Variants in NELFCD observed in about 807,000 individuals in gnomAD.
The protein encoded by NELFCD is negative elongation factor C/D.
A neutral mutation model predicts 72.9 loss-of-function variants in NELFCD; 48 were observed. That is an observed-to-expected ratio of 0.66 (90% CI 0.52 to 0.84). The LOEUF is 0.84. Among genes scored for constraint, NELFCD ranks in the 40% least tolerant of loss-of-function variants. NELFCD has a pLI of 0.00. For missense variants in NELFCD, 538 were observed against 723.8 expected (o/e 0.74, Z 2.94); for synonymous variants, 297 against 280.6 (o/e 1.06, Z -0.59).
rs2091834245 is a variant in NELFCD, at chr20:58,993,620, G to A, written c.1441-4G>A. On this transcript the variant is annotated splice_region_variant and splice_polypyrimidine_tract_variant and intron_variant, in intron 12 of 14. Coordinates refer to ENST00000652272, the MANE Select transcript of NELFCD (RefSeq NM_198976.4). This position sits in a 1 kb window ranked among gnomAD's most constrained non-coding sequence, Gnocchi z 5.0. ...ACCAGCTCCCTGTCCCCCTTCTTCT[G>A]TAGCTTGAGTTGAAGAAGACACTGC... is the stretch of plus-strand genomic sequence containing the variant. 1 of 1,614,228 alleles carries A rather than the reference G, an allele frequency of 6.2e-7. No homozygotes were observed. The highest frequency in any genetic ancestry group is 1.1e-5 in the South Asian group (1 of 91,090).
At position 58,991,005 on chromosome 20, in the gene NELFCD, C is replaced by T; in HGVS notation, c.884C>T (p.Ala295Val). 3 of 1,614,172 alleles carry T rather than the reference C, an allele frequency of 1.9e-6. No individual in the cohort carries two copies. The highest frequency in any genetic ancestry group is 2.5e-6 in the Non-Finnish European group (3 of 1,180,026). The change falls in exon 8 of 15, where the codon GCC (alanine) becomes GTC (valine). Residue 295 changes from alanine to valine, a missense_variant. Around this residue, in one of 3 missense-constraint regions of NELFCD, gnomAD observed 355 missense variants for 534.5 expected, o/e 0.66. Transcript: ENST00000652272. ...CTCGGGGCCATGCTGTCCAAAGGAG[C>T]CCTGAACCCTGCTGACATCACCGTC... The part of the protein sequence containing the change: ...QALGAMLSKG[A>V]LNPADITVLF...
At chr20:58,990,489 T>A (rs1297963127) in intron 7 of NELFCD, 1 of 176,052 alleles carries the variant, frequency 5.7e-6, no homozygotes, top group African/African-American at 2.4e-5. Context: ...AGAGCTGGCT[T>A]TCTAAAGTGC....
intron 3 of NELFCD, 127 bp from the exon 4 acceptor site, chr20:58,987,581 A>T (rs143086961): frequency 1.4e-6 from 1 of 715,624 alleles, no homozygotes; most frequent in Non-Finnish European, 2.4e-6. Context: ...AAAACCTTAC[A>T]TGTATAAGTG....
chr20:58,990,410 A>AG (rs2091807332), intron 7 of NELFCD: 1 of 171,120 alleles, frequency 5.8e-6, no homozygotes, highest in South Asian at 1.5e-4. Flanking sequence ...CAAAAAAAAA[A>AG]AAAAAAATTA....
At position 58,992,780 on chromosome 20, in the gene NELFCD, G is replaced by A. The variant is rs534301972; in HGVS notation, c.1230-218G>A. The stretch of plus-strand genomic sequence containing the variant: ...CACTCACCTGTAGTCCCAGGTACTC[G>A]GGAGGCTGCAGTGAGCCATGATTGT... On this transcript the variant is annotated intron_variant, in intron 10 of 14. Transcript: ENST00000652272. Among the ~76,000 whole-genome samples, 8 of 151,350 alleles carry A rather than the reference G, an allele frequency of 5.3e-5. No individual in the cohort carries two copies. In the East Asian group the frequency reaches 5.8e-4, roughly 11 times the overall value.
Position 58,987,752 on chromosome 20 carries a change from A to G in NELFCD, c.331A>G (p.Lys111Glu), listed in dbSNP as rs1405792468. The change falls in exon 4 of 15, where the codon AAG becomes GAG. Residue 111 changes from lysine (K) to glutamate (E), a missense_variant. By Grantham distance (56) the Lys-to-Glu change is moderately conservative. Coordinates refer to ENST00000652272, the MANE Select transcript of NELFCD (RefSeq NM_198976.4). ...QVQETVENHL[K>E]SLLIKHFDPR... ...TCAGGAAACTGTGGAAAATCACTTG[A>G]AGAGTTTGCTGATCAAACATTTTGA... 6 of 1,614,166 alleles carry G rather than the reference A, an allele frequency of 3.7e-6. No individual in the cohort carries two copies. Among genetic ancestry groups the G allele is most frequent in the Non-Finnish European group, 5.1e-6 (6 of 1,180,032 alleles).
chr20:58,989,699 C>T (rs2091799889), intron 6 of NELFCD, 59 bp downstream of exon 6: 1 of 1,611,666 alleles, frequency 6.2e-7, no homozygotes. Flanking sequence ...TCTTGGTTTT[C>T]AAGCATGAGA....
At chr20:58,989,182 G>C (rs1182596728) in intron 5 of NELFCD, 161 bp downstream of exon 5, 2 of 642,680 alleles carry the variant, frequency 3.1e-6, no homozygotes, top group Non-Finnish European at 5.4e-6. Flanking sequence ...TGTAAAATTT[G>C]TATCTGTTTT....
chr20:58,990,713 C>T (rs1025949532), intron 7 of NELFCD, 197 bp from the exon 8 acceptor site: 19 of 542,086 alleles, frequency 3.5e-5, no homozygotes, highest in African/African-American at 1.9e-4. Flanking sequence ...AAGTGTGTGA[C>T]TCCTTTCTTA....
chr20:58,986,389 T>G lies in NELFCD; in HGVS notation c.176+181T>G, dbSNP rs2091772778. On this transcript the variant is annotated intron_variant, in intron 2 of 14. Transcript: ENST00000652272. This position sits in a 1 kb window ranked among gnomAD's most constrained non-coding sequence, Gnocchi z 4.4. ...AAATTTTTTTAAGACAGAGTCTTGC[T>G]CTGTTGCAGTGGCACAATCACCGCT... The G allele has an allele frequency of 6.9e-6, 4 of 578,320 alleles. No individual in the cohort carries two copies. The South Asian group carries it at 8.7e-5, about 13-fold the overall frequency. 35.8% of individuals were successfully genotyped at this position (578,320 alleles called of 1,614,324 possible). A position where few individuals can be genotyped will look rare whatever the true frequency, so the allele number is the denominator to read the frequency against.
At chr20:58,991,489 A>G in intron 9 of NELFCD, 43 bp downstream of exon 9, 1 of 1,611,388 alleles carries the variant, frequency 6.2e-7, no homozygotes, top group African/African-American at 1.3e-5. Flanking sequence ...TAGGAGACAA[A>G]TATCCTCCTC....
chr20:58,992,037 T>C lies in NELFCD; in HGVS notation c.1229+17T>C, dbSNP rs1477573576. 1.3e-6 allele frequency: 2 copies of C among 1,599,222 alleles called. No individual in the cohort carries two copies. The highest frequency in any genetic ancestry group is 3.4e-5 in the Admixed American group (2 of 58,662). On this transcript the variant is annotated intron_variant, in intron 10 of 14. Coordinates refer to ENST00000652272, the MANE Select transcript of NELFCD (RefSeq NM_198976.4). ...GTGTATTAGGTAAGCAAAACGAAACTCAGTTCTTAAATCAGTCCTTTGGGG... is the reference window on the plus strand; with the variant it reads ...GTGTATTAGGTAAGCAAAACGAAACCCAGTTCTTAAATCAGTCCTTTGGGG...
chr20:58,989,544 G>A lies in NELFCD; in HGVS notation c.561G>A (p.Gln187=), dbSNP rs2091798232. ...GEITSVSTAC[Q]QLEVFSRVLR... ...TCACCAGTGTGTCCACAGCATGCCA[G>A]CAGCTAGAAGTGTTCTCGAGAGTGC... The change falls in exon 6 of 15, where the codon CAG becomes CAA. Residue 187 remains glutamine, a synonymous_variant. Transcript: ENST00000652272. 1.2e-6 allele frequency: 2 copies of A among 1,614,110 alleles called. No individual in the cohort carries two copies. The highest frequency in any genetic ancestry group is 2.7e-5 in the African/African-American group (2 of 74,930).
At chr20:58,983,495 A>C (rs2091752011) in intron 1 of NELFCD, among the ~76,000 whole-genome samples, 1 of 144,926 alleles carries the variant, frequency 6.9e-6, no homozygotes, top group African/African-American at 2.6e-5. Context: ...GCTGGAGTGC[A>C]GTGGTGCCAT....
intron 1 of NELFCD, among the ~76,000 whole-genome samples, chr20:58,983,949 G>T (rs2146347741): frequency 6.6e-6 from 1 of 152,246 alleles, no homozygotes; most frequent in South Asian, 2.1e-4. Context: ...GGATGAGGGG[G>T]GTGGACCAGA....
chr20:58,983,024 G>C (rs1002700508), intron 1 of NELFCD, among the ~76,000 whole-genome samples: 1 of 151,898 alleles, frequency 6.6e-6, no homozygotes, highest in Non-Finnish European at 1.5e-5. Flanking sequence ...CTTTGCCTCC[G>C]TTGCCACTTC....
chr20:58,981,348 C>T lies in NELFCD; in HGVS notation c.39C>T (p.Gly13=), dbSNP rs375172251. The T allele has an allele frequency of 5.4e-6, 6 of 1,111,920 alleles. No individual in the cohort carries two copies. The African/African-American group carries it at 8.3e-5, about 15-fold the overall frequency. 68.9% of individuals were successfully genotyped at this position (1,111,920 alleles called of 1,614,324 possible). A position where few individuals can be genotyped will look rare whatever the true frequency, so the allele number is the denominator to read the frequency against. The change falls in exon 1 of 15, where the codon GGC becomes GGT. Residue 13 remains glycine (G), a synonymous_variant. Transcript: ENST00000652272. ...ACTACGGGAGCGCGGCCGAGTGGGG[C>T]GACGAGGCTGACGGCGGCCAGGTGA... ...EDYYGSAAEW[G]DEADGGQQED...
At position 58,993,729 on chromosome 20, in the gene NELFCD, A is replaced by G. The variant is rs759802924; in HGVS notation, c.1546A>G (p.Thr516Ala). ...YIRKCLEKLD[T>A]DISLIRYFVT... ...CCGAAAGTGTCTGGAGAAGCTGGACACTGACATTTCACTCATTCGCTATTT... is the reference window on the plus strand; with the variant it reads ...CCGAAAGTGTCTGGAGAAGCTGGACGCTGACATTTCACTCATTCGCTATTT... Residue 516 changes from threonine (T) to alanine (A), a missense_variant, in exon 13 of 15, where the codon ACT becomes GCT. By Grantham distance (58) the Thr-to-Ala change is moderately conservative (BLOSUM62 0). Around this residue, in one of 3 missense-constraint regions of NELFCD, gnomAD observed 136 missense variants for 154.0 expected, o/e 0.88. Coordinates refer to ENST00000652272, the MANE Select transcript of NELFCD (RefSeq NM_198976.4). The surrounding 1 kb of genome is among the most constrained non-coding windows in gnomAD (Gnocchi z 5.0). 1 of 1,614,218 alleles carries G rather than the reference A, an allele frequency of 6.2e-7. No individual in the cohort carries two copies. Among genetic ancestry groups the G allele is most frequent in the Non-Finnish European group, 8.5e-7 (1 of 1,180,030 alleles).
In NELFCD at chr20:58,991,314, C is replaced by T. The variant is rs965856409; in HGVS notation, c.957C>T (p.Ile319=). ...ACTGGGCATATGCTTCTCCTCAGAT[C>T]CGCGTTCCAGCCTTCCTGGACCTGT... ...TSMDPPPVEL[I]RVPAFLDLFM... is the part of the protein sequence containing the mutation. Residue 319 remains isoleucine, a splice_region_variant and synonymous_variant, in exon 9 of 15, where the codon ATC becomes ATT. Transcript: ENST00000652272. 2 of 1,614,102 alleles carry T rather than the reference C, an allele frequency of 1.2e-6. No individual in the cohort carries two copies. The highest frequency in any genetic ancestry group is 2.7e-5 in the African/African-American group (2 of 74,934).
Sources: gnomAD v4.1 joint callset for allele counts (sites outside exome capture counted in the v4.1 genomes callset) on GRCh38, gnomAD v4.1.1 for gene constraint, gnomAD v4.1.1 regional missense constraint, Gnocchi (gnomAD v3.1) non-coding constraint, MANE v1.5 for transcripts, NCBI Gene and HGNC (gene_info 2026-07-23, HGNC 2026-07-21) for gene names.